The following LRRC4C variants were observed in gnomAD, a reference collection of about 807,000 sequenced individuals.
LRRC4C encodes the protein leucine-rich repeat-containing protein 4C.
A neutral mutation model predicts 33.6 loss-of-function variants in LRRC4C; 5 were observed. That is an observed-to-expected ratio of 0.15 (90% confidence interval 0.08 to 0.31). The LOEUF is 0.31. Ranked by LOEUF, LRRC4C falls within the 10% of genes least tolerant of loss-of-function variation. The probability of loss-of-function intolerance (pLI) is 1.00; values close to 1 mark genes in which losing one functional copy is unlikely to be tolerated. For synonymous variants in LRRC4C, 329 were observed against 302.0 expected (o/e 1.09, Z -0.93); for missense variants, 560 against 796.7 (o/e 0.70, Z 3.58).
intron 1 of LRRC4C, among the ~76,000 whole-genome samples, chr11:41,200,872 G>A (rs1167562262): frequency 2.0e-5 from 3 of 152,188 alleles, no homozygotes; most frequent in Non-Finnish European, 4.4e-5. Context: ...GAAGAATGTT[G>A]TAGAACTCAG....
At chr11:41,220,330 A>G (rs1458385128) in intron 1 of LRRC4C, among the ~76,000 whole-genome samples, 1 of 152,186 alleles carries the variant, frequency 6.6e-6, no homozygotes, top group Non-Finnish European at 1.5e-5. Context: ...ACATACAACT[A>G]GTAAGGAAGG....
intron 2 of LRRC4C, among the ~76,000 whole-genome samples, chr11:40,877,181 T>C (rs1229320042): frequency 6.6e-6 from 1 of 152,012 alleles, no homozygotes; most frequent in Non-Finnish European, 1.5e-5. Flanking sequence ...GCGTAGAGGC[T>C]CACATTCAGA....
At chr11:41,387,273 A>C (rs1056458233) in intron 1 of LRRC4C, among the ~76,000 whole-genome samples, 1 of 151,778 alleles carries the variant, frequency 6.6e-6, no homozygotes, top group Non-Finnish European at 1.5e-5. Context: ...AAATGGAGGC[A>C]GGAAAGGCTA....
At chr11:40,264,786 G>T (rs1942126825) in intron 4 of LRRC4C, among the ~76,000 whole-genome samples, 1 of 152,128 alleles carries the variant, frequency 6.6e-6, no homozygotes, top group Non-Finnish European at 1.5e-5. Context: ...GGAGAAGAAT[G>T]GGGGCCCCTC....
intron 2 of LRRC4C, among the ~76,000 whole-genome samples, chr11:40,828,442 A>T (rs1035940223): frequency 6.6e-6 from 1 of 151,814 alleles, no homozygotes; most frequent in African/African-American, 2.4e-5. Flanking sequence ...ACACATATTG[A>T]CATATTGTAG....
chr11:41,430,657 T>G (rs1354059895), intron 1 of LRRC4C, among the ~76,000 whole-genome samples: 3 of 152,146 alleles, frequency 2.0e-5, no homozygotes, highest in African/African-American at 7.2e-5. Flanking sequence ...CAGAACTCAA[T>G]TTTGTTTTTA....
At chr11:40,814,355 C>A (rs912947434) in intron 2 of LRRC4C, among the ~76,000 whole-genome samples, 1 of 152,126 alleles carries the variant, frequency 6.6e-6, no homozygotes, top group South Asian at 2.1e-4. Context: ...ACCTTGGCTC[C>A]TTTTAGCCAT....
intron 5 of LRRC4C, among the ~76,000 whole-genome samples, chr11:40,146,847 G>C (rs1011702386): frequency 1.8e-4 from 27 of 152,106 alleles, no homozygotes; most frequent in African/African-American, 6.3e-4. Flanking sequence ...CTCAACACTG[G>C]TATCTAGATA....
intron 3 of LRRC4C, among the ~76,000 whole-genome samples, chr11:40,628,969 T>G (rs1963222685): frequency 6.6e-6 from 1 of 152,208 alleles, no homozygotes; most frequent in African/African-American, 2.4e-5. Context: ...TCCATTTTGA[T>G]TTTACTTGTT....
chr11:41,458,886 G>T (rs114674187), intron 1 of LRRC4C, among the ~76,000 whole-genome samples: 2,588 of 152,100 alleles, frequency 0.017, 23 homozygotes, highest in African/African-American at 0.036. Context: ...ATTAAGAGCT[G>T]GTGAAGCAGC....
At chr11:40,553,142 G>A (rs910827149) in intron 3 of LRRC4C, among the ~76,000 whole-genome samples, 4 of 151,958 alleles carry the variant, frequency 2.6e-5, no homozygotes, top group African/African-American at 9.7e-5. Flanking sequence ...CGTAGTGACA[G>A]GCACCTGTAA....
At chr11:40,266,667 T>C (rs1029016713) in intron 4 of LRRC4C, among the ~76,000 whole-genome samples, 22 of 152,152 alleles carry the variant, frequency 1.4e-4, no homozygotes, top group Admixed American at 2.6e-4. Context: ...GGCACAGACA[T>C]TTGTTGAATC....
intron 1 of LRRC4C, chr11:41,426,437 G>T: frequency 6.6e-6 from 1 of 152,086 alleles, no homozygotes; most frequent in Admixed American, 6.6e-5. Flanking sequence ...CCATGCAAAT[G>T]GTCCCCAAAG....
chr11:40,390,181 C>A (rs192038853), intron 3 of LRRC4C, among the ~76,000 whole-genome samples: 22 of 152,272 alleles, frequency 1.4e-4, no homozygotes, highest in African/African-American at 4.8e-4. Context: ...AACAGTAAAG[C>A]AAATAACCTT....
chr11:40,180,764 T>C (rs1423671481), intron 5 of LRRC4C, among the ~76,000 whole-genome samples: 1 of 152,208 alleles, frequency 6.6e-6, no homozygotes, highest in Non-Finnish European at 1.5e-5. Flanking sequence ...TGCATGTGTG[T>C]GTGCATGTGT....
intron 1 of LRRC4C, among the ~76,000 whole-genome samples, chr11:41,394,116 A>G (rs1383758627): frequency 6.6e-6 from 1 of 151,978 alleles, no homozygotes; most frequent in Non-Finnish European, 1.5e-5. Context: ...CTTTTTATGC[A>G]TCTGACTGTG....
intron 1 of LRRC4C, among the ~76,000 whole-genome samples, chr11:40,981,642 A>AAAT (rs1852548185): frequency 6.6e-6 from 1 of 152,198 alleles, no homozygotes; most frequent in Admixed American, 6.5e-5. Context: ...GGCTTTTAAA[A>AAAT]TACCATCATT....
chr11:41,217,884 T>G, intron 1 of LRRC4C, among the ~76,000 whole-genome samples: 1 of 152,166 alleles, frequency 6.6e-6, no homozygotes, highest in East Asian at 1.9e-4. Flanking sequence ...AATAGAATAG[T>G]ATGCAACCAT....
At chr11:40,445,885 C>T (rs1023981826) in intron 3 of LRRC4C, 1 of 152,232 alleles carries the variant, frequency 6.6e-6, no homozygotes, top group Non-Finnish European at 1.5e-5. Flanking sequence ...TGCCTTCAAA[C>T]AGGAGGTTTT....
Sources: allele counts gnomAD v4.1 joint callset (sites outside exome capture counted in the v4.1 genomes callset), GRCh38; gene constraint gnomAD v4.1.1; transcripts MANE v1.5; gene names NCBI Gene and HGNC (gene_info 2026-07-23, HGNC 2026-07-21).